The following ROBO2 variants were observed in gnomAD, a reference collection of about 807,000 sequenced individuals.
The protein encoded by ROBO2 is roundabout homolog 2.
In ROBO2, 53 loss-of-function variants were observed where a neutral mutation model predicts 160.8. The ratio of observed to expected loss-of-function variants is 0.33; its 90% CI spans 0.26 to 0.41. The LOEUF is 0.41. Among genes scored for constraint, ROBO2 ranks in the 10% least tolerant of loss-of-function variants. ROBO2 has a pLI of 1.00. For missense variants in ROBO2, 1,577 were observed against 1,722.4 expected, an observed-to-expected ratio of 0.92 and a Z score of 1.49; for synonymous variants, 664 against 611.7, an observed-to-expected ratio of 1.09 and a Z score of -1.26.
At chr3:77,379,929 C>A (rs1581493433) in intron 2 of ROBO2, among the ~76,000 whole-genome samples, 1 of 152,094 alleles carries the variant, frequency 6.6e-6, no homozygotes, top group African/African-American at 2.4e-5. Flanking sequence ...TCACCCTGCA[C>A]CTCTCAGCTC....
chr3:76,760,558 G>A (rs2061246968), intron 2 of ROBO2, among the ~76,000 whole-genome samples: 2 of 151,686 alleles, frequency 1.3e-5, no homozygotes, highest in Non-Finnish European at 2.9e-5. Flanking sequence ...AAGGTAGAGA[G>A]ATCCCCAACC....
At chr3:76,803,572 A>C (rs997165954) in intron 2 of ROBO2, among the ~76,000 whole-genome samples, 3 of 152,030 alleles carry the variant, frequency 2.0e-5, no homozygotes, top group Admixed American at 6.5e-5. Context: ...AGGAAAAAAA[A>C]CACACAGACG....
At chr3:77,330,928 T>A (rs2065906787) in intron 2 of ROBO2, among the ~76,000 whole-genome samples, 1 of 152,194 alleles carries the variant, frequency 6.6e-6, no homozygotes, top group African/African-American at 2.4e-5. Context: ...TTCTCAGTAT[T>A]TGATTGACTT....
At chr3:76,383,794 G>A (rs919941804) in intron 2 of ROBO2, among the ~76,000 whole-genome samples, 8 of 152,150 alleles carry the variant, frequency 5.3e-5, no homozygotes, top group Non-Finnish European at 1.0e-4. Flanking sequence ...CTGACAACAG[G>A]AAGTAAATGA....
chr3:76,779,291 C>T (rs116026193), intron 2 of ROBO2, among the ~76,000 whole-genome samples: 1 of 150,902 alleles, frequency 6.6e-6, no homozygotes, highest in Non-Finnish European at 1.5e-5. Flanking sequence ...CAAAAATATA[C>T]CCGTCACCTC....
intron 2 of ROBO2, among the ~76,000 whole-genome samples, chr3:76,151,307 TC>T (rs763308956): frequency 1.3e-5 from 2 of 152,104 alleles, no homozygotes; most frequent in Non-Finnish European, 2.9e-5. Context: ...TCTCTTCCTG[TC>T]CCTTGTTTTT....
At chr3:77,161,590 T>G (rs1401182271) in intron 2 of ROBO2, among the ~76,000 whole-genome samples, 1 of 152,222 alleles carries the variant, frequency 6.6e-6, no homozygotes, top group Non-Finnish European at 1.5e-5. Flanking sequence ...TTCATAGCAA[T>G]TGGTTTTTTA....
chr3:77,617,056 T>C (rs2094795602), intron 21 of ROBO2, among the ~76,000 whole-genome samples: 1 of 152,168 alleles, frequency 6.6e-6, no homozygotes, highest in African/African-American at 2.4e-5. Flanking sequence ...TGAAAGGTTG[T>C]CAGATATCTA....
At chr3:75,980,554 T>A (rs1484294763) in intron 2 of ROBO2, among the ~76,000 whole-genome samples, 1 of 151,558 alleles carries the variant, frequency 6.6e-6, no homozygotes, top group Non-Finnish European at 1.5e-5. Context: ...GAGGAAGCAG[T>A]AGTTTATTTT....
At chr3:76,935,287 A>G (rs1284557389) in intron 2 of ROBO2, among the ~76,000 whole-genome samples, 1 of 152,190 alleles carries the variant, frequency 6.6e-6, no homozygotes, top group Non-Finnish European at 1.5e-5. Flanking sequence ...AGAAAACAGT[A>G]TCCACAGCTT....
intron 4 of ROBO2, among the ~76,000 whole-genome samples, chr3:77,485,602 A>T (rs190533639): frequency 3.3e-4 from 50 of 152,178 alleles, no homozygotes; most frequent in African/African-American, 1.2e-3. Flanking sequence ...GAAATGTTTA[A>T]TTTTTTTAAA....
At chr3:77,497,396 A>G (rs936659886) in intron 5 of ROBO2, among the ~76,000 whole-genome samples, 3 of 152,190 alleles carry the variant, frequency 2.0e-5, no homozygotes, top group Admixed American at 6.5e-5. Context: ...TAATTTAAAT[A>G]GAAGAAGATG....
chr3:77,512,173 C>T (rs1370589299), intron 5 of ROBO2, among the ~76,000 whole-genome samples: 1 of 151,908 alleles, frequency 6.6e-6, no homozygotes, highest in Non-Finnish European at 1.5e-5. Context: ...TAAGTAAGAG[C>T]TTGCCTTTAG....
chr3:77,579,854 T>A lies in ROBO2; in HGVS notation c.2329-93T>A, dbSNP rs770332161. Reference sequence around the variant, plus strand: ...TCTATAAGCCTAGAAGATAGACAGGTTATGATTAAAAAATATTTGATCAGT... The same window carrying A: ...TCTATAAGCCTAGAAGATAGACAGGATATGATTAAAAAATATTTGATCAGT... On this transcript the variant is annotated intron_variant, in intron 15 of 25. Coordinates refer to ENST00000461745, the Ensembl canonical transcript of ROBO2. The A allele has an allele frequency of 5.8e-4, 686 of 1,179,728 alleles. 2 individuals carry two copies. Among genetic ancestry groups the A allele is most frequent in the Non-Finnish European group, 8.3e-4 (662 of 799,098 alleles). 73.1% of individuals were successfully genotyped at this position (1,179,728 alleles called of 1,614,324 possible).
chr3:77,215,459 G>A (rs1041479762), intron 2 of ROBO2, among the ~76,000 whole-genome samples: 5 of 152,028 alleles, frequency 3.3e-5, no homozygotes, highest in African/African-American at 9.7e-5. Context: ...CTCTGCACTG[G>A]TTATTCTAGT....
In ROBO2 at chr3:76,518,295, A is replaced by G. The variant is rs75004916; in HGVS notation, c.110-579719A>G. Among the ~76,000 whole-genome samples the G allele has an allele frequency of 7.4e-3, 1,130 of 151,988 alleles. 11 individuals carry two copies. Among genetic ancestry groups the G allele is most frequent in the African/African-American group, 0.025 (1,051 of 41,460 alleles). On this transcript the variant is annotated intron_variant, in intron 2 of 26. Coordinates refer to the ROBO2 transcript ENST00000487694. ...GGGAGTTGACTCATCATTTTTTTAG[A>G]ATTTTTTTTCTTAATTTTTAATTAT...
At chr3:77,275,101 TA>T (rs2153361451) in intron 2 of ROBO2, among the ~76,000 whole-genome samples, 1 of 152,228 alleles carries the variant, frequency 6.6e-6, no homozygotes, top group African/African-American at 2.4e-5. Context: ...TAGAATTTCT[TA>T]TTTGACACAT....
chr3:77,360,575 T>C (rs766491795), intron 2 of ROBO2, among the ~76,000 whole-genome samples: 3 of 152,018 alleles, frequency 2.0e-5, no homozygotes, highest in Non-Finnish European at 2.9e-5. Flanking sequence ...ACAAGCCTTA[T>C]ACAAGCACTG....
At chr3:77,369,215 C>T (rs78377885) in intron 2 of ROBO2, among the ~76,000 whole-genome samples, 19,905 of 152,130 alleles carry the variant, frequency 0.13, 1,780 homozygotes, top group Non-Finnish European at 0.19. Context: ...AAGTGCCCAT[C>T]CTGTTCTTGA....
Sources: allele counts gnomAD v4.1 joint callset (sites outside exome capture counted in the v4.1 genomes callset), GRCh38; gene constraint gnomAD v4.1.1; transcripts MANE v1.5; gene names NCBI Gene and HGNC (gene_info 2026-07-23, HGNC 2026-07-21).